The following PRRX1 variants were observed in gnomAD, a reference collection of about 807,000 sequenced individuals.
The protein encoded by PRRX1 is paired related homeobox 1.
In PRRX1, 8 loss-of-function variants were observed where a neutral mutation model predicts 24.0. The observed-to-expected ratio is 0.33, with a 90% CI of 0.20 to 0.60. The LOEUF (loss-of-function observed/expected upper bound fraction) is 0.60, where lower values mean the gene tolerates loss of function less well. PRRX1 is among the 20% of genes least tolerant of loss of function. The pLI, the probability that PRRX1 is intolerant of heterozygous loss-of-function variation, is 0.82. For missense variants in PRRX1, 281 were observed against 322.4 expected (o/e 0.87, Z 0.98); for synonymous variants, 160 against 131.7 (o/e 1.22, Z -1.47).
At chr1:170,682,083 G>GTGTAAA (rs1653565796) in intron 1 of PRRX1, among the ~76,000 whole-genome samples, 1 of 152,206 alleles carries the variant, frequency 6.6e-6, no homozygotes, top group African/African-American at 2.4e-5. Flanking sequence ...TTGAACTGTA[G>GTGTAAA]TGTAAATGGA....
chr1:170,665,401 C>T (rs1342111914), intron 1 of PRRX1, among the ~76,000 whole-genome samples: 1 of 152,232 alleles, frequency 6.6e-6, no homozygotes, highest in African/African-American at 2.4e-5. Context: ...AAGTCTGTAA[C>T]AGACCGGTCA....
Position 170,721,690 on chromosome 1 carries a change from A to G in PRRX1, c.417+1789A>G, listed in dbSNP as rs571595244. Among the ~76,000 whole-genome samples, 48 of 152,326 alleles carry G rather than the reference A, an allele frequency of 3.2e-4. 1 individual carries two copies. Among genetic ancestry groups the G allele is most frequent in the African/African-American group, 1.1e-3 (45 of 41,576 alleles). On this transcript the variant is annotated intron_variant, in intron 2 of 3. Coordinates refer to ENST00000239461, the MANE Select transcript of PRRX1 (RefSeq NM_022716.4). The stretch of plus-strand genomic sequence containing the variant: ...TTGGGCTCAAGTGAGAGTGACCCAT[A>G]GAGACAATACTCAGTTTTGCTCTCC...
At chr1:170,684,444 A>G (rs575517571) in intron 1 of PRRX1, among the ~76,000 whole-genome samples, 1 of 152,354 alleles carries the variant, frequency 6.6e-6, no homozygotes, top group South Asian at 2.1e-4. Context: ...TTGTATAGAT[A>G]CATCTTGCTT....
At chr1:170,670,074 A>T (rs1446516661) in intron 1 of PRRX1, among the ~76,000 whole-genome samples, 1 of 152,182 alleles carries the variant, frequency 6.6e-6, no homozygotes, top group Non-Finnish European at 1.5e-5. Context: ...CAGATAAAAA[A>T]TTACAGGCAA....
chr1:170,696,294 T>C (rs1571329054), intron 1 of PRRX1, among the ~76,000 whole-genome samples: 1 of 152,240 alleles, frequency 6.6e-6, no homozygotes, highest in Non-Finnish European at 1.5e-5. Flanking sequence ...AGCAGAGATA[T>C]GTCTATATTA....
intron 3 of PRRX1, 156 bp downstream of exon 3, chr1:170,726,557 A>G (rs887254596): frequency 2.2e-6 from 2 of 904,050 alleles, no homozygotes; most frequent in Admixed American, 2.7e-5. Context: ...TTCCCAGGAG[A>G]TTATAAGCTG....
At chr1:170,695,528 G>C (rs58668918) in intron 1 of PRRX1, among the ~76,000 whole-genome samples, 2,081 of 152,262 alleles carry the variant, frequency 0.014, 52 homozygotes, top group African/African-American at 0.047. Context: ...CTCTGCTGGG[G>C]ATGTGTGGGA....
chr1:170,726,141 G>A, intron 2 of PRRX1, 79 bp from the exon 3 acceptor site: 1 of 1,390,146 alleles, frequency 7.2e-7, no homozygotes, highest in Non-Finnish European at 1.0e-6. Context: ...AAATCAAGCA[G>A]AATTTCATTC....
chr1:170,669,828 A>G (rs1188597001), intron 1 of PRRX1, among the ~76,000 whole-genome samples: 1 of 152,174 alleles, frequency 6.6e-6, no homozygotes, highest in African/African-American at 2.4e-5. Context: ...GGAAATATGA[A>G]TGTATTTTTC....
intron 1 of PRRX1, among the ~76,000 whole-genome samples, chr1:170,672,342 T>G (rs1014488330): frequency 6.6e-5 from 10 of 152,216 alleles, no homozygotes; most frequent in Non-Finnish European, 1.3e-4. Context: ...CTTCATAGCA[T>G]AGATGATGGT....
At chr1:170,706,070 G>A (rs539924650) in intron 1 of PRRX1, among the ~76,000 whole-genome samples, 2 of 152,034 alleles carry the variant, frequency 1.3e-5, no homozygotes, top group Admixed American at 1.3e-4. Flanking sequence ...TTGGTCTCTT[G>A]TTAAGTATTT....
At position 170,738,231 on chromosome 1, in the gene PRRX1, T is replaced by A; in HGVS notation, c.*2045T>A. 4.4e-6 allele frequency: 1 copy of A among 224,946 alleles called. No individual in the cohort carries two copies. The highest frequency in any genetic ancestry group is 8.9e-6 in the Non-Finnish European group (1 of 112,550). The allele number at this position is 224,946 out of a possible 1,614,324, so 13.9% of individuals were successfully genotyped here. ...TGAGTGACAGGCAAGGATTTTTGGGTTTAAGATGCACTTTTAGCACACATT... is the reference window on the plus strand; with the variant it reads ...TGAGTGACAGGCAAGGATTTTTGGGATTAAGATGCACTTTTAGCACACATT... On this transcript the variant is annotated 3_prime_UTR_variant, in exon 4 of 4. Transcript: ENST00000239461.
intron 1 of PRRX1, among the ~76,000 whole-genome samples, chr1:170,718,363 C>T (rs192176413): frequency 6.6e-5 from 10 of 152,298 alleles, no homozygotes; most frequent in African/African-American, 2.4e-4. Context: ...TACATTTTGA[C>T]TCTGTACACA....
chr1:170,672,691 A>G (rs1653180929), intron 1 of PRRX1, among the ~76,000 whole-genome samples: 1 of 152,236 alleles, frequency 6.6e-6, no homozygotes, highest in Non-Finnish European at 1.5e-5. Flanking sequence ...AGGATATGCT[A>G]AGTTCAATCA....
intron 1 of PRRX1, among the ~76,000 whole-genome samples, chr1:170,682,796 A>T (rs1653599662): frequency 6.6e-6 from 1 of 152,268 alleles, no homozygotes; most frequent in South Asian, 2.1e-4. Flanking sequence ...TAAGTAATTC[A>T]ATTGTGATTA....
At position 170,736,625 on chromosome 1, in the gene PRRX1, ACCCTGTCCTCTT is replaced by A. The variant is rs1250879074; in HGVS notation, c.*443_*454del. The A allele has an allele frequency of 9.6e-6, 2 of 209,060 alleles. No individual in the cohort carries two copies. Among genetic ancestry groups the A allele is most frequent in the African/African-American group, 4.7e-5 (2 of 42,834 alleles). The allele number at this position is 209,060 out of a possible 1,614,324, so 13.0% of individuals were successfully genotyped here. Reference sequence around the variant, plus strand: ...TGACTTGTTTGAACCTTAGTGCCTTACCCTGTCCTCTTCCCAGTTCTCTTTATAGAAGCTCTA... The same window carrying A: ...TGACTTGTTTGAACCTTAGTGCCTTACCCAGTTCTCTTTATAGAAGCTCTA... On this transcript the variant is annotated 3_prime_UTR_variant, in exon 4 of 4. Coordinates refer to ENST00000239461, the MANE Select transcript of PRRX1 (RefSeq NM_022716.4).
At chr1:170,712,306 A>G (rs1654776947) in intron 1 of PRRX1, among the ~76,000 whole-genome samples, 1 of 152,194 alleles carries the variant, frequency 6.6e-6, no homozygotes. Context: ...ACACCTGTGC[A>G]TGATATATAT....
intron 2 of PRRX1, 131 bp downstream of exon 2, chr1:170,720,032 T>C: frequency 8.1e-7 from 1 of 1,234,552 alleles, no homozygotes; most frequent in Non-Finnish European, 1.2e-6. Flanking sequence ...CGTTGGGAGG[T>C]TGAGGCAGGC....
intron 1 of PRRX1, among the ~76,000 whole-genome samples, chr1:170,689,887 T>G (rs1653879237): frequency 6.6e-6 from 1 of 151,354 alleles, no homozygotes; most frequent in African/African-American, 2.4e-5. Flanking sequence ...TGGGTGTGTG[T>G]GTGTGCGTGT....
Sources: allele counts gnomAD v4.1 joint callset (sites outside exome capture counted in the v4.1 genomes callset), GRCh38; gene constraint gnomAD v4.1.1; transcripts MANE v1.5; gene names NCBI Gene and HGNC (gene_info 2026-07-23, HGNC 2026-07-21).